The following PRCD variants were observed in gnomAD, a reference collection of about 807,000 sequenced individuals.
The protein encoded by PRCD is photoreceptor disc component, also known as photoreceptor disk component PRCD.
In PRCD, 12 loss-of-function variants were observed where a neutral mutation model predicts 10.1. That is an observed-to-expected ratio of 1.18 (90% CI 0.76 to 1.92). The LOEUF is 1.92. Among genes scored for constraint, PRCD ranks in the 40% most tolerant of loss-of-function variants. The pLI, the probability that PRCD is intolerant of heterozygous loss-of-function variation, is 0.00. For missense variants in PRCD, 61 were observed against 72.2 expected (o/e 0.84, Z 0.56); for synonymous variants, 31 against 26.2 (o/e 1.18, Z -0.56).
At position 76,545,056 on chromosome 17, in the gene PRCD, G is replaced by A. The variant is rs538161760; in HGVS notation, c.*1406G>A. 2.2e-6 allele frequency: 1 copy of A among 451,578 alleles called. No homozygotes were observed. Among genetic ancestry groups the A allele is most frequent in the Non-Finnish European group, 4.5e-6 (1 of 223,974 alleles). The allele number at this position is 451,578 out of a possible 1,614,324, so 28.0% of individuals were successfully genotyped here. A position where few individuals can be genotyped will look rare whatever the true frequency, so the allele number is the denominator to read the frequency against. ...GGGCAGCTGGGGTGCCATGTGGGCC[G>A]GGTGGGGGGGCTGTCTCCCCCAGGG... On this transcript the variant is annotated 3_prime_UTR_variant, in exon 5 of 5. Transcript: ENST00000592014.
At chr17:76,537,603 G>A, upstream of PRCD, 1 of 1,048,502 alleles carries the variant, frequency 9.5e-7, no homozygotes, top group Non-Finnish European at 1.1e-6. Flanking sequence ...CGCGGGGCGC[G>A]GGGCGCGGGG....
chr17:76,552,447 C>G lies in PRCD; in HGVS notation n.84-662C>G, dbSNP rs577409395. Among the ~76,000 whole-genome samples the G allele has an allele frequency of 5.9e-5, 9 of 152,138 alleles. No homozygotes were observed. In the East Asian group the frequency reaches 1.8e-3, roughly 30 times the overall value. On this transcript the variant is annotated intron_variant and non_coding_transcript_variant, in intron 1 of 1. Transcript: ENST00000587063. ...ATCTCCTGACCTCGTGATCCACCCT[C>G]CTCGGCCTCCCAAAGTGCTGGGATT...
At chr17:76,537,178 G>C (rs138222359), upstream of PRCD, among the ~76,000 whole-genome samples, 297 of 152,344 alleles carry the variant, frequency 1.9e-3, 1 homozygote, top group Non-Finnish European at 3.4e-3. Context: ...CCTGCATCTG[G>C]TTCCTAGATC....
intron 4 of PRCD, 121 bp downstream of exon 4, chr17:76,543,242 C>G: frequency 2.7e-6 from 1 of 368,862 alleles, no homozygotes; most frequent in South Asian, 2.0e-5. Context: ...TCGCTGCTCT[C>G]GGACGGGCTT....
intron 1 of PRCD, chr17:76,552,936 T>TATGTATAC (rs145054392): frequency 1.4e-5 from 2 of 146,980 alleles, no homozygotes; most frequent in Non-Finnish European, 3.0e-5. Context: ...TGTGTATATA[T>TATGTATAC]ATGTATACAT....
At position 76,528,867 on chromosome 17, in the gene PRCD, T is replaced by G. The variant is rs2074797992; in HGVS notation, n.45+1034T>G. 1.6e-6 allele frequency: 2 copies of G among 1,218,684 alleles called. No homozygotes were observed. The highest frequency in any genetic ancestry group is 1.6e-5 in the African/African-American group (1 of 64,138). 75.5% of individuals were successfully genotyped at this position (1,218,684 alleles called of 1,614,324 possible). A position where few individuals can be genotyped will look rare whatever the true frequency, so the allele number is the denominator to read the frequency against. Reference sequence around the variant, plus strand: ...TAAAATGTGAATAATGTCTGTCTTGTGACATAAACTGGGTAAAAAAGTGTT... The same window carrying G: ...TAAAATGTGAATAATGTCTGTCTTGGGACATAAACTGGGTAAAAAAGTGTT... On this transcript the variant is annotated intron_variant and non_coding_transcript_variant, in intron 1 of 4. Transcript: ENST00000397633. This position sits in a 1 kb window ranked among gnomAD's most constrained non-coding sequence, Gnocchi z 5.8.
At chr17:76,529,222 G>A (rs137920412) in intron 1 of PRCD, 1 of 985,420 alleles carries the variant, frequency 1.0e-6, no homozygotes, top group Non-Finnish European at 1.2e-6. Flanking sequence ...CTGGCAGCAG[G>A]GAGGCTCTGC....
chr17:76,551,161 A>G (rs2075105176), intron 1 of PRCD: 1 of 152,196 alleles, frequency 6.6e-6, no homozygotes, highest in South Asian at 2.1e-4. Flanking sequence ...ATTTAAGTAC[A>G]AGCTGGAATT....
intron 3 of PRCD, 140 bp from the exon 4 acceptor site, chr17:76,542,888 CG>C (rs1384144136): frequency 2.9e-5 from 17 of 591,762 alleles, no homozygotes; most frequent in Non-Finnish European, 5.5e-5. Flanking sequence ...TTGGGGATGG[CG>C]AGGTGGTCGT....
chr17:76,552,881 AATATATAT>A (rs1555625892), intron 1 of PRCD: 2 of 96,928 alleles, frequency 2.1e-5, no homozygotes, highest in African/African-American at 7.8e-5. Context: ...AAAAAAAAAA[AATATATAT>A]ATATATATAA....
At chr17:76,546,046 G>C (rs921779142), downstream of PRCD, 1 of 152,904 alleles carries the variant, frequency 6.5e-6, no homozygotes, top group Non-Finnish European at 1.5e-5. This position sits in a 1 kb window ranked among gnomAD's most constrained non-coding sequence, Gnocchi z 4.5. Context: ...TGGTGACCTC[G>C]ACCTGGACAG....
chr17:76,547,574 A>T (rs2075063744), downstream of PRCD, among the ~76,000 whole-genome samples: 1 of 152,118 alleles, frequency 6.6e-6, no homozygotes, highest in South Asian at 2.1e-4. Context: ...TTAAAAATTT[A>T]CTAACAGACT....
chr17:76,543,919 C>T lies in PRCD; in HGVS notation c.*269C>T, dbSNP rs751646358. 8 of 470,678 alleles carry T rather than the reference C, an allele frequency of 1.7e-5. No individual in the cohort carries two copies. The highest frequency in any genetic ancestry group is 1.1e-4 in the South Asian group (7 of 64,554). 29.2% of individuals were successfully genotyped at this position (470,678 alleles called of 1,614,324 possible). A position where few individuals can be genotyped will look rare whatever the true frequency, so the allele number is the denominator to read the frequency against. The stretch of plus-strand genomic sequence containing the variant: ...TGGGAGCAACGGACAGCTTGTCCTC[C>T]GAATGTGTTTTCTGTATGTGTGCAA... On this transcript the variant is annotated 3_prime_UTR_variant, in exon 5 of 5. Transcript: ENST00000592014.
intron 1 of PRCD, chr17:76,529,716 T>C: frequency 1.0e-6 from 1 of 985,260 alleles, no homozygotes; most frequent in African/African-American, 1.7e-5. Context: ...GGGTGACAGC[T>C]GGTGGGGGGT....
rs1429181152 is a variant in PRCD, at chr17:76,541,404, C to T, written c.143+831C>T. Among the ~76,000 whole-genome samples, 5 of 152,194 alleles carry T rather than the reference C, an allele frequency of 3.3e-5. No homozygotes were observed. The East Asian group carries it at 9.6e-4, about 29-fold the overall frequency. ...GCGCACTGGCAGGAGGGTGTCTCCA[C>T]ACAGGGAAGACTCAGGTGGCGGGTA... On this transcript the variant is annotated intron_variant, in intron 2 of 4. Transcript: ENST00000592014.
In PRCD at chr17:76,540,311, A is replaced by T; in HGVS notation, c.74+96A>T. On this transcript the variant is annotated intron_variant, in intron 1 of 4. Coordinates refer to ENST00000592014, the MANE Select transcript of PRCD (RefSeq NM_001077620.3). This position sits in a 1 kb window ranked among gnomAD's most constrained non-coding sequence, Gnocchi z 5.0. ...GCTGAAGGTGGGCAGGGGCTGCGTG[A>T]ACCTTCAGCGGGGCTGGGAGGGCAT... is the stretch of plus-strand genomic sequence containing the variant. 7.1e-7 allele frequency: 1 copy of T among 1,409,838 alleles called. No homozygotes were observed. The highest frequency in any genetic ancestry group is 9.8e-7 in the Non-Finnish European group (1 of 1,021,670). The allele number at this position is 1,409,838 out of a possible 1,614,324, so 87.3% of individuals were successfully genotyped here. A position where few individuals can be genotyped will look rare whatever the true frequency, so the allele number is the denominator to read the frequency against.
intron 1 of PRCD, among the ~76,000 whole-genome samples, chr17:76,535,041 G>A (rs1223448475): frequency 2.0e-5 from 3 of 152,282 alleles, no homozygotes; most frequent in Admixed American, 6.5e-5. Flanking sequence ...CTGTCTGAGT[G>A]TGAGGAGGAA....
intron 1 of PRCD, chr17:76,529,203 A>G (rs915367417): frequency 4.1e-6 from 4 of 985,290 alleles, no homozygotes; most frequent in Non-Finnish European, 4.8e-6. Context: ...CCTCGAGCCC[A>G]TGGGGACCCT....
In PRCD at chr17:76,531,769, G is replaced by A. The variant is rs2074847556; in HGVS notation, n.45+3936G>A. 6 of 1,267,198 alleles carry A rather than the reference G, an allele frequency of 4.7e-6. No individual in the cohort carries two copies. The South Asian group carries it at 8.5e-5, about 18-fold the overall frequency. 78.5% of individuals were successfully genotyped at this position (1,267,198 alleles called of 1,614,324 possible). A position where few individuals can be genotyped will look rare whatever the true frequency, so the allele number is the denominator to read the frequency against. ...CCCTGAAGCTTCCAGGATAGTGGGG[G>A]CTGAAGAAGTGGACCGCAGTGCTCC... On this transcript the variant is annotated intron_variant and non_coding_transcript_variant, in intron 1 of 4. Coordinates refer to the PRCD transcript ENST00000397633. The surrounding 1 kb of genome is among the most constrained non-coding windows in gnomAD (Gnocchi z 7.4).
Sources: gnomAD v4.1 joint callset for allele counts (sites outside exome capture counted in the v4.1 genomes callset) on GRCh38, gnomAD v4.1.1 for gene constraint, Gnocchi (gnomAD v3.1) non-coding constraint, MANE v1.5 for transcripts, NCBI Gene and HGNC (gene_info 2026-07-23, HGNC 2026-07-21) for gene names.